The following GRM5 variants were observed in gnomAD, a reference collection of about 807,000 sequenced individuals.
GRM5 encodes glutamate metabotropic receptor 5.
GRM5 carries 19 observed loss-of-function variants against 83.1 expected under a neutral mutation model. That is an observed-to-expected ratio of 0.23 (90% CI 0.16 to 0.34). The LOEUF (loss-of-function observed/expected upper bound fraction) is 0.34, where lower values mean the gene tolerates loss of function less well. Among genes scored for constraint, GRM5 ranks in the 10% least tolerant of loss-of-function variants. The pLI is 1.00. For missense variants in GRM5, 1,160 were observed against 1,588.3 expected (o/e 0.73, Z 4.58); for synonymous variants, 675 against 633.6 (o/e 1.07, Z -0.98).
At chr11:88,798,805 C>CAA (rs4002396) in intron 3 of GRM5, among the ~76,000 whole-genome samples, 14,319 of 54,708 alleles carry the variant, frequency 0.26, 1,105 homozygotes, top group Non-Finnish European at 0.34. Flanking sequence ...ATGAAAACAC[C>CAA]AAAAAAAAAA....
chr11:88,725,603 A>G (rs530567821), intron 3 of GRM5, among the ~76,000 whole-genome samples: 1 of 152,282 alleles, frequency 6.6e-6, no homozygotes, highest in Non-Finnish European at 1.5e-5. Flanking sequence ...GACACCTCCC[A>G]TCAGGGATCG....
At chr11:88,642,213 T>C (rs1296860528) in intron 4 of GRM5, among the ~76,000 whole-genome samples, 2 of 152,194 alleles carry the variant, frequency 1.3e-5, no homozygotes, top group African/African-American at 4.8e-5. Context: ...CAGTGCAAGA[T>C]GTATGTGTTC....
chr11:89,010,822 G>A (rs1940673606), intron 2 of GRM5, among the ~76,000 whole-genome samples: 1 of 151,474 alleles, frequency 6.6e-6, no homozygotes, highest in Non-Finnish European at 1.5e-5. Context: ...ATGTCATGGT[G>A]CCATATGTAT....
intron 3 of GRM5, among the ~76,000 whole-genome samples, chr11:88,812,031 C>T (rs1943597873): frequency 6.6e-6 from 1 of 152,176 alleles, no homozygotes; most frequent in African/African-American, 2.4e-5. Context: ...GTTAATGTTT[C>T]TGCCTTCAAG....
At chr11:89,064,758 C>CA in intron 1 of GRM5, among the ~76,000 whole-genome samples, 1 of 151,308 alleles carries the variant, frequency 6.6e-6, no homozygotes, top group Non-Finnish European at 1.5e-5. Flanking sequence ...GCAGTGATGC[C>CA]AAACCCGATC....
rs528191769 is a variant in GRM5 at position 88,922,501 on chromosome 11, G to C, written c.662-72346C>G. ...GGAAAGGACAGTCTCTACAATTAAT[G>C]GTGTTTGGAAAACTGGGTATCCATA... is the stretch of plus-strand genomic sequence containing the variant. On this transcript the variant is annotated intron_variant, in intron 2 of 9. Transcript: ENST00000305447. 9.9e-5 allele frequency among the ~76,000 whole-genome samples: 15 copies of C among 152,226 alleles called. 1 individual carries two copies. The South Asian group carries it at 1.7e-3, about 17-fold the overall frequency.
intron 2 of GRM5, among the ~76,000 whole-genome samples, chr11:88,932,835 C>G (rs1376372254): frequency 2.6e-5 from 4 of 151,876 alleles, no homozygotes; most frequent in Non-Finnish European, 5.9e-5. Flanking sequence ...CCTGTTGATT[C>G]ATTAAATAAA....
chr11:88,969,766 T>C (rs1467293818), intron 2 of GRM5, among the ~76,000 whole-genome samples: 2 of 152,128 alleles, frequency 1.3e-5, no homozygotes, highest in South Asian at 2.1e-4. Flanking sequence ...GTATATACTT[T>C]GCATTTTCCA....
intron 2 of GRM5, among the ~76,000 whole-genome samples, chr11:88,860,289 A>G (rs1314945045): frequency 6.6e-6 from 1 of 152,122 alleles, no homozygotes; most frequent in East Asian, 1.9e-4. Flanking sequence ...TCCCACTCTA[A>G]GCTTCCAGAA....
chr11:88,661,751 G>T (rs917789872), intron 3 of GRM5, among the ~76,000 whole-genome samples: 1 of 151,996 alleles, frequency 6.6e-6, no homozygotes, highest in Non-Finnish European at 1.5e-5. Context: ...TTTAGATACA[G>T]TCTCAGTATG....
intron 1 of GRM5, among the ~76,000 whole-genome samples, chr11:89,058,309 C>A (rs532114824): frequency 5.3e-5 from 8 of 152,222 alleles, no homozygotes; most frequent in African/African-American, 1.9e-4. Flanking sequence ...TTGTTGTGGG[C>A]GGATGTTGTC....
intron 4 of GRM5, among the ~76,000 whole-genome samples, chr11:88,616,857 T>C (rs889239738): frequency 4.6e-5 from 7 of 152,158 alleles, no homozygotes. Flanking sequence ...CTTGTAACAT[T>C]GGCGGTGATC....
chr11:88,886,048 AT>A (rs1005832406), intron 2 of GRM5, among the ~76,000 whole-genome samples: 2 of 152,188 alleles, frequency 1.3e-5, no homozygotes, highest in Non-Finnish European at 2.9e-5. Context: ...ATCATACCTG[AT>A]CAAACCAATC....
chr11:88,780,727 A>G (rs149522931), intron 3 of GRM5, among the ~76,000 whole-genome samples: 89 of 152,196 alleles, frequency 5.8e-4, no homozygotes, highest in Non-Finnish European at 1.1e-3. Flanking sequence ...GGGTCTCACT[A>G]TGTTGCCCAG....
intron 8 of GRM5, among the ~76,000 whole-genome samples, chr11:88,529,899 G>T (rs1195612346): frequency 1.3e-5 from 2 of 151,926 alleles, no homozygotes; most frequent in African/African-American, 4.8e-5. Context: ...TTCAAGAGAA[G>T]GAGTATATTT....
intron 2 of GRM5, among the ~76,000 whole-genome samples, chr11:88,990,114 G>A (rs967224711): frequency 6.8e-6 from 1 of 146,166 alleles, no homozygotes; most frequent in Non-Finnish European, 1.5e-5. Context: ...TAGACTGCTA[G>A]CAAGACTAAT....
chr11:88,964,896 C>A (rs1480534959), intron 2 of GRM5, among the ~76,000 whole-genome samples: 1 of 152,088 alleles, frequency 6.6e-6, no homozygotes, highest in Non-Finnish European at 1.5e-5. Flanking sequence ...AATAGAATGA[C>A]ATCTTTAAAG....
intron 2 of GRM5, among the ~76,000 whole-genome samples, chr11:89,031,567 C>T (rs1041363508): frequency 4.6e-5 from 7 of 151,778 alleles, no homozygotes; most frequent in African/African-American, 1.7e-4. Context: ...AGAAAATGTG[C>T]TCCTTACAAT....
intron 8 of GRM5, among the ~76,000 whole-genome samples, chr11:88,545,606 C>G (rs1252150288): frequency 6.6e-6 from 1 of 152,060 alleles, no homozygotes; most frequent in African/African-American, 2.4e-5. Context: ...CCTCCATTCA[C>G]AAAGGTAAAA....
Sources: allele counts gnomAD v4.1 joint callset (sites outside exome capture counted in the v4.1 genomes callset), GRCh38; gene constraint gnomAD v4.1.1; transcripts MANE v1.5; gene names NCBI Gene and HGNC (gene_info 2026-07-23, HGNC 2026-07-21).